ITPR1: variants seen among roughly 807,000 people sequenced by gnomAD.
ITPR1 encodes inositol 1,4,5-trisphosphate-gated calcium channel ITPR1.
In ITPR1, 96 loss-of-function variants were observed where a neutral mutation model predicts 318.4. That is an observed-to-expected ratio of 0.30 (90% CI 0.26 to 0.36). The LOEUF is 0.36. ITPR1 is among the 10% of genes least tolerant of loss of function. The probability of loss-of-function intolerance (pLI) is 1.00; values close to 1 mark genes in which losing one functional copy is unlikely to be tolerated. For missense variants in ITPR1, 2,440 were observed against 3,460.2 expected, an observed-to-expected ratio of 0.71 and a Z score of 7.40; for synonymous variants, 1,312 against 1,289.9, an observed-to-expected ratio of 1.02 and a Z score of -0.37.
At chr3:4,540,960 GT>G (rs112368874) in intron 4 of ITPR1, among the ~76,000 whole-genome samples, 34,683 of 150,946 alleles carry the variant, frequency 0.23, 5,769 homozygotes, top group African/African-American at 0.46. Flanking sequence ...CTTTATATGT[GT>G]TTTTTTTTAA....
rs574001377 is a variant in ITPR1, at chr3:4,822,750, C to T, written c.8028+4508C>T. On this transcript the variant is annotated intron_variant, in intron 60 of 61. Coordinates refer to ENST00000649015, the MANE Select transcript of ITPR1 (RefSeq NM_001378452.1). ...ACTCAAATGACCAGGGGAAGTGAGC[C>T]CTCCTCCACTGTAACTCACAGCGCC... 3.3e-5 allele frequency among the ~76,000 whole-genome samples: 5 copies of T among 152,238 alleles called. No individual in the cohort carries two copies. In the South Asian group the frequency reaches 1.0e-3, roughly 32 times the overall value.
chr3:4,606,242 C>A (rs77176429), intron 4 of ITPR1, among the ~76,000 whole-genome samples: 1 of 151,912 alleles, frequency 6.6e-6, no homozygotes, highest in African/African-American at 2.4e-5. Context: ...AGTGACGAAC[C>A]CTGTGTGGTA....
chr3:4,715,698 C>T (rs562901177), intron 39 of ITPR1, among the ~76,000 whole-genome samples: 1 of 152,252 alleles, frequency 6.6e-6, no homozygotes, highest in East Asian at 1.9e-4. Flanking sequence ...ACTAAAAATA[C>T]AAAAATTAGC....
At chr3:4,573,559 A>T (rs6774037) in intron 4 of ITPR1, among the ~76,000 whole-genome samples, 7 of 152,150 alleles carry the variant, frequency 4.6e-5, no homozygotes, top group African/African-American at 1.4e-4. Context: ...CTGAGGATAA[A>T]ATTCAAAGTT....
chr3:4,527,443 G>A (rs1430384868), intron 4 of ITPR1, among the ~76,000 whole-genome samples: 2 of 152,158 alleles, frequency 1.3e-5, no homozygotes, highest in Non-Finnish European at 2.9e-5. Context: ...TCAAATTGCT[G>A]GGATTACTGG....
At chr3:4,626,856 C>T (rs2125127538) in intron 4 of ITPR1, among the ~76,000 whole-genome samples, 1 of 152,268 alleles carries the variant, frequency 6.6e-6, no homozygotes. Context: ...TCTTGTTCTG[C>T]CGCCCAAACT....
chr3:4,563,985 A>G (rs1465537921), intron 4 of ITPR1, among the ~76,000 whole-genome samples: 4 of 151,210 alleles, frequency 2.6e-5, no homozygotes, highest in Non-Finnish European at 5.9e-5. Context: ...CGTGTCACCC[A>G]GACTGGAGTG....
rs1156474451 is a variant in ITPR1, at chr3:4,632,929, C to CTTTTTTTT, written c.279+5072_279+5079dup. The stretch of plus-strand genomic sequence containing the variant: ...AAGATTACTGATGTGACTTTCAGGT[C>CTTTTTTTT]TTTTTTTTTTTTTTTTTTTTTTTTT... On this transcript the variant is annotated intron_variant, in intron 5 of 61. Coordinates refer to ENST00000649015, the MANE Select transcript of ITPR1 (RefSeq NM_001378452.1). Among the ~76,000 whole-genome samples the CTTTTTTTT allele has an allele frequency of 2.4e-4, 16 of 66,032 alleles. 3 individuals are homozygous for CTTTTTTTT. The highest frequency in any genetic ancestry group is 9.1e-4 in the African/African-American group (13 of 14,270). The allele number at this position is 66,032 out of a possible 152,430, so 43.3% of individuals were successfully genotyped here.
In ITPR1 at chr3:4,693,542, T is replaced by C; in HGVS notation, c.4082T>C (p.Phe1361Ser). The C allele has an allele frequency of 2.5e-6, 4 of 1,613,964 alleles. No homozygotes were observed. Among genetic ancestry groups the C allele is most frequent in the Non-Finnish European group, 3.4e-6 (4 of 1,179,850 alleles). ...VLVFYNDRAS[F>S]QTLIQMMRSE... ...GTGTTCTACAACGACAGAGCCTCTT[T>C]CCAGACTCTGATCCAGATGATGCGG... The change falls in exon 33 of 62, where the codon TTC becomes TCC. Residue 1361 changes from phenylalanine (F) to serine (S), a missense_variant. Coordinates refer to ENST00000649015, the MANE Select transcript of ITPR1 (RefSeq NM_001378452.1).
intron 4 of ITPR1, among the ~76,000 whole-genome samples, chr3:4,591,728 G>T (rs1353854647): frequency 6.6e-6 from 1 of 152,174 alleles, no homozygotes; most frequent in East Asian, 1.9e-4. Context: ...TTAAAGAGAA[G>T]CTTATGATCA....
intron 4 of ITPR1, among the ~76,000 whole-genome samples, chr3:4,609,051 A>AATATATATATATATATATATAT (rs754002503): frequency 2.4e-4 from 11 of 46,554 alleles, no homozygotes; most frequent in Admixed American, 1.1e-3. Context: ...ACAACAACGA[A>AATATATATATATATATATATAT]ATATATATAT....
chr3:4,808,712 C>T (rs1407475835), intron 55 of ITPR1, among the ~76,000 whole-genome samples: 1 of 152,166 alleles, frequency 6.6e-6, no homozygotes, highest in Non-Finnish European at 1.5e-5. Context: ...ATAAGGAAAG[C>T]CTGCAACCAA....
intron 50 of ITPR1, 23 bp from the exon 51 acceptor site, chr3:4,783,793 G>T (rs780336397): frequency 6.4e-7 from 1 of 1,551,314 alleles, no homozygotes; most frequent in Non-Finnish European, 8.8e-7. Context: ...CCAACCTCCT[G>T]TATCTCTGTC....
At chr3:4,587,419 T>A (rs2090018965) in intron 4 of ITPR1, among the ~76,000 whole-genome samples, 1 of 152,066 alleles carries the variant, frequency 6.6e-6, no homozygotes, top group African/African-American at 2.4e-5. Flanking sequence ...TACAGGTGCA[T>A]GCCACCATGC....
intron 44 of ITPR1, among the ~76,000 whole-genome samples, chr3:4,736,138 A>T (rs1474197381): frequency 8.4e-6 from 1 of 119,686 alleles, no homozygotes; most frequent in Non-Finnish European, 1.8e-5. Context: ...AGCTCTCTGA[A>T]TAAGAGTTTT....
chr3:4,801,245 A>C (rs1345275526), intron 54 of ITPR1, among the ~76,000 whole-genome samples: 2 of 152,212 alleles, frequency 1.3e-5, no homozygotes, highest in African/African-American at 4.8e-5. Flanking sequence ...GAGGCACTGG[A>C]GGATCTAAAA....
At chr3:4,522,449 G>A (rs2082640364) in intron 4 of ITPR1, among the ~76,000 whole-genome samples, 1 of 152,214 alleles carries the variant, frequency 6.6e-6, no homozygotes, top group South Asian at 2.1e-4. Context: ...CCATTTGGAA[G>A]ACATTTGGTG....
chr3:4,704,414 A>G (rs966570085), intron 36 of ITPR1, among the ~76,000 whole-genome samples: 14 of 152,202 alleles, frequency 9.2e-5, no homozygotes, highest in Non-Finnish European at 1.2e-4. Context: ...CTCTGTCTCA[A>G]AAAAACAAAA....
intron 40 of ITPR1, among the ~76,000 whole-genome samples, chr3:4,724,842 G>A (rs77484874): frequency 3.5e-4 from 54 of 152,244 alleles, no homozygotes; most frequent in African/African-American, 1.2e-3. Flanking sequence ...CAAGGGGGAG[G>A]GTGGTATCTG....
Sources: allele counts gnomAD v4.1 joint callset (sites outside exome capture counted in the v4.1 genomes callset), GRCh38; gene constraint gnomAD v4.1.1; transcripts MANE v1.5; gene names NCBI Gene and HGNC (gene_info 2026-07-23, HGNC 2026-07-21).